Variants in AP3B2 observed in about 807,000 individuals in gnomAD.
The protein encoded by AP3B2 is AP-3 complex subunit beta-2.
In AP3B2, 50 loss-of-function variants were observed where a neutral mutation model predicts 126.9. The ratio of observed to expected loss-of-function variants is 0.39; its 90% confidence interval spans 0.31 to 0.50. AP3B2 has a LOEUF of 0.50. AP3B2 is among the 20% of genes least tolerant of loss of function. AP3B2 has a pLI of 0.79. For missense variants in AP3B2, 1,177 were observed against 1,426.4 expected (o/e 0.83, Z 2.82); for synonymous variants, 541 against 565.0 (o/e 0.96, Z 0.60).
At chr15:82,672,966 A>G (rs1380699553) in intron 14 of AP3B2, among the ~76,000 whole-genome samples, 1 of 152,190 alleles carries the variant, frequency 6.6e-6, no homozygotes, top group African/African-American at 2.4e-5. Context: ...TCGTGGCACC[A>G]TGTGACTTGG....
chr15:82,677,163 G>C lies in AP3B2; in HGVS notation c.1488+111C>G. ...AGTGTCTCTGCTCCTTCCACCTGAA[G>C]ACCTAAGGTTTGGAAGTTACTTTTG... On this transcript the variant is annotated intron_variant, in intron 13 of 26. Coordinates refer to ENST00000535359, the MANE Select transcript of AP3B2 (RefSeq NM_001278512.2). The C allele has an allele frequency of 8.9e-6, 8 of 895,566 alleles. No individual in the cohort carries two copies. In the South Asian group the frequency reaches 1.3e-4, roughly 14 times the overall value. The allele number at this position is 895,566 out of a possible 1,614,324, so 55.5% of individuals were successfully genotyped here. A position where few individuals can be genotyped will look rare whatever the true frequency, so the allele number is the denominator to read the frequency against.
rs2048855260 is a variant in AP3B2, at chr15:82,709,796, G to A, written c.-90C>T. On this transcript the variant is annotated 5_prime_UTR_variant, in exon 1 of 27. Coordinates refer to ENST00000535359, the MANE Select transcript of AP3B2 (RefSeq NM_001278512.2). The stretch of plus-strand genomic sequence containing the variant: ...AAGGGAAGGCGGGCCGGTCCGGTCC[G>A]GGCTGGCGAAGGCGGCGGCGCGGCA... 3 of 1,102,872 alleles carry A rather than the reference G, an allele frequency of 2.7e-6. No homozygotes were observed. Among genetic ancestry groups the A allele is most frequent in the Admixed American group, 3.7e-5 (1 of 27,308 alleles). The allele number at this position is 1,102,872 out of a possible 1,614,324, so 68.3% of individuals were successfully genotyped here.
At chr15:82,671,286 A>AAAAAC (rs1471123305) in intron 14 of AP3B2, among the ~76,000 whole-genome samples, 3 of 152,254 alleles carry the variant, frequency 2.0e-5, no homozygotes, top group Admixed American at 6.5e-5. Flanking sequence ...CTCCGTCTCA[A>AAAAAC]AAAACAAAAC....
chr15:82,677,985 C>G, intron 11 of AP3B2, 120 bp downstream of exon 11: 2 of 1,386,406 alleles, frequency 1.4e-6, no homozygotes, highest in Non-Finnish European at 2.0e-6. Flanking sequence ...CACATTGGAA[C>G]GGGAATGTAA....
At chr15:82,692,152 C>A in intron 1 of AP3B2, 1 of 1,491,916 alleles carries the variant, frequency 6.7e-7, no homozygotes, top group Non-Finnish European at 9.2e-7. Context: ...CGACACTGGC[C>A]ATAATCATAA....
intron 10 of AP3B2, 119 bp downstream of exon 10, chr15:82,679,610 G>A (rs1050341424): frequency 1.1e-6 from 1 of 930,518 alleles, no homozygotes; most frequent in African/African-American, 1.6e-5. Context: ...GGGCAGTCAT[G>A]GGCTCCTGGG....
Position 82,664,690 on chromosome 15 carries a change from G to T in AP3B2, c.2137+145C>A. 1.1e-6 allele frequency: 1 copy of T among 894,952 alleles called. No individual in the cohort carries two copies. Among genetic ancestry groups the T allele is most frequent in the Non-Finnish European group, 1.7e-6 (1 of 587,266 alleles). The allele number at this position is 894,952 out of a possible 1,614,324, so 55.4% of individuals were successfully genotyped here. The stretch of plus-strand genomic sequence containing the variant: ...AAACCTGCACAAGCACACACACCTG[G>T]AACATGAATCCCTCAGGTGCACAAA... On this transcript the variant is annotated intron_variant, in intron 18 of 26. Transcript: ENST00000535359. The surrounding 1 kb of genome is among the most constrained non-coding windows in gnomAD (Gnocchi z 4.5).
chr15:82,663,534 C>T, intron 21 of AP3B2, 26 bp downstream of exon 21: 1 of 1,611,850 alleles, frequency 6.2e-7, no homozygotes, highest in Non-Finnish European at 8.5e-7. Flanking sequence ...CTCCTTTCCC[C>T]TGTGACTTTT....
intron 1 of AP3B2, chr15:82,692,239 G>A: frequency 9.9e-7 from 1 of 1,012,930 alleles, no homozygotes; most frequent in Non-Finnish European, 1.5e-6. Flanking sequence ...ACAAGGCAGT[G>A]CCCATTCTTA....
At chr15:82,662,389 C>A in intron 23 of AP3B2, 137 bp from the exon 24 acceptor site, 1 of 742,630 alleles carries the variant, frequency 1.3e-6, no homozygotes, top group Non-Finnish European at 2.3e-6. Context: ...TTCTTGGCTG[C>A]TGGAGACTGT....
In AP3B2 at chr15:82,664,552, A is replaced by C; in HGVS notation, c.2138-62T>G. ...GCAGGCCTCCTTGGGTCTGGAGCAG[A>C]CACCTGGGTTCCACCTTCACATTCA... On this transcript the variant is annotated intron_variant, in intron 18 of 26. Transcript: ENST00000535359. This position sits in a 1 kb window ranked among gnomAD's most constrained non-coding sequence, Gnocchi z 4.5. 6.4e-7 allele frequency: 1 copy of C among 1,559,784 alleles called. No homozygotes were observed. Among genetic ancestry groups the C allele is most frequent in the South Asian group, 1.2e-5 (1 of 85,448 alleles).
Position 82,681,818 on chromosome 15 carries a change from A to T in AP3B2, c.361-238T>A, listed in dbSNP as rs997990960. Among the ~76,000 whole-genome samples, 1 of 152,164 alleles carries T rather than the reference A, an allele frequency of 6.6e-6. No homozygotes were observed. Among genetic ancestry groups the T allele is most frequent in the African/African-American group, 2.4e-5 (1 of 41,434 alleles). On this transcript the variant is annotated intron_variant, in intron 4 of 26. Transcript: ENST00000535359. The surrounding 1 kb of genome is among the most constrained non-coding windows in gnomAD (Gnocchi z 4.0). Reference sequence around the variant, plus strand: ...AATGGGTAGCTTCACTTCCAGAAACACTGAAAAACTTTCAGAACACCTAAA... The same window carrying T: ...AATGGGTAGCTTCACTTCCAGAAACTCTGAAAAACTTTCAGAACACCTAAA...
At chr15:82,674,333 G>GGGAAGAAAGGA (rs1182745663) in intron 14 of AP3B2, among the ~76,000 whole-genome samples, 3 of 152,178 alleles carry the variant, frequency 2.0e-5, no homozygotes, top group Non-Finnish European at 2.9e-5. Flanking sequence ...AGAAGAGGCT[G>GGGAAGAAAGGA]GGAAGAAAGG....
At chr15:82,660,748 A>G (rs1204234236) in intron 25 of AP3B2, among the ~76,000 whole-genome samples, 1 of 152,150 alleles carries the variant, frequency 6.6e-6, no homozygotes, top group Non-Finnish European at 1.5e-5. Context: ...TTCATGACTA[A>G]TAACATTTTC....
intron 10 of AP3B2, 99 bp from the exon 11 acceptor site, chr15:82,678,266 C>T (rs1351776783): frequency 4.4e-6 from 5 of 1,133,212 alleles, no homozygotes; most frequent in African/African-American, 3.1e-5. Context: ...AAACAATCCT[C>T]ATGACAGCCC....
At position 82,659,670 on chromosome 15, in the gene AP3B2, G is replaced by A. The variant is rs2151425108; in HGVS notation, c.3196C>T (p.Leu1066=). The A allele has an allele frequency of 1.9e-6, 3 of 1,613,934 alleles. No individual in the cohort carries two copies. Among genetic ancestry groups the A allele is most frequent in the Admixed American group, 1.7e-5 (1 of 60,016 alleles). ...CCAGCTGGCCGGGCATCCAGGGTCA[G>A]CAGAACGAGGCTTCCACCAGTCAGT... The part of the protein sequence containing the change: ...RTLTGGSLVL[L]TLDARPAGAA... The change falls in exon 27 of 27, where the codon CTG becomes TTG. Residue 1066 remains leucine (L), a synonymous_variant. Coordinates refer to ENST00000535359, the MANE Select transcript of AP3B2 (RefSeq NM_001278512.2).
At chr15:82,690,183 G>T (rs1292302327) in intron 1 of AP3B2, among the ~76,000 whole-genome samples, 1 of 152,024 alleles carries the variant, frequency 6.6e-6, no homozygotes, top group Non-Finnish European at 1.5e-5. Context: ...GGCCTCCAGA[G>T]CTGTGAGACA....
rs61213011 is a variant in AP3B2 at position 82,683,047 on chromosome 15, GTTTTTTTTTT to G, written c.361-1477_361-1468del. On this transcript the variant is annotated intron_variant, in intron 4 of 26. Coordinates refer to ENST00000535359, the MANE Select transcript of AP3B2 (RefSeq NM_001278512.2). ...AATGTTCACAGCATCTGCACCAGGA[GTTTTTTTTTT>G]TTTTTTTTTTTTTTTTTTTGTAACG... 1.3e-3 allele frequency among the ~76,000 whole-genome samples: 100 copies of G among 77,728 alleles called. 1 individual carries two copies. The highest frequency in any genetic ancestry group is 2.9e-3 in the African/African-American group (65 of 22,460). 51.0% of individuals were successfully genotyped at this position (77,728 alleles called of 152,430 possible).
chr15:82,680,565 A>G lies in AP3B2; in HGVS notation c.962T>C (p.Val321Ala). 4 of 1,580,070 alleles carry G rather than the reference A, an allele frequency of 2.5e-6. No individual in the cohort carries two copies. Among genetic ancestry groups the G allele is most frequent in the Non-Finnish European group, 3.4e-6 (4 of 1,170,400 alleles). Reference sequence around the variant, plus strand: ...GAAGTAGAGCTGCGCCACCGCCATCACCACCGCGGCGCTGCGGCTCTGCAG... The same window carrying G: ...GAAGTAGAGCTGCGCCACCGCCATCGCCACCGCGGCGCTGCGGCTCTGCAG... ...PLLQSRSAAV[V>A]MAVAQLYFHL... The change falls in exon 8 of 27, where the codon GTG (valine) becomes GCG (alanine). Residue 321 changes from valine (V) to alanine (A), a missense_variant. Physicochemically the swap from Val to Ala is moderately conservative, Grantham distance 64. This residue lies in a region of AP3B2 where 308 missense variants were observed against 452.4 expected (regional missense o/e 0.68). Transcript: ENST00000535359. The surrounding 1 kb of genome is among the most constrained non-coding windows in gnomAD (Gnocchi z 6.1).
Sources: gnomAD v4.1 joint callset for allele counts (sites outside exome capture counted in the v4.1 genomes callset) on GRCh38, gnomAD v4.1.1 for gene constraint, gnomAD v4.1.1 regional missense constraint, Gnocchi (gnomAD v3.1) non-coding constraint, MANE v1.5 for transcripts, NCBI Gene and HGNC (gene_info 2026-07-23, HGNC 2026-07-21) for gene names.